The following PTPRE variants were observed in gnomAD, a reference collection of about 807,000 sequenced individuals.
PTPRE encodes the protein protein tyrosine phosphatase receptor type E, also known as receptor-type tyrosine-protein phosphatase epsilon.
A neutral mutation model predicts 102.0 loss-of-function variants in PTPRE; 51 were observed. The observed-to-expected ratio is 0.50, with a 90% CI of 0.40 to 0.63. PTPRE has a LOEUF of 0.63. Ranked by LOEUF, PTPRE falls within the 30% of genes least tolerant of loss-of-function variation. The pLI is 0.00. For synonymous variants in PTPRE, 345 were observed against 348.2 expected (o/e 0.99, Z 0.10); for missense variants, 752 against 915.1 (o/e 0.82, Z 2.30).
At chr10:128,013,657 G>C (rs768235024) in intron 2 of PTPRE, among the ~76,000 whole-genome samples, 2 of 152,122 alleles carry the variant, frequency 1.3e-5, no homozygotes, top group Non-Finnish European at 2.9e-5. Flanking sequence ...CCTCTTGAAT[G>C]GGATTAGTGC....
intron 2 of PTPRE, among the ~76,000 whole-genome samples, chr10:128,025,944 G>A (rs1846258601): frequency 6.6e-6 from 1 of 152,178 alleles, no homozygotes; most frequent in Non-Finnish European, 1.5e-5. Context: ...TTTGTCCATG[G>A]CTGCCTTTCT....
At chr10:127,937,677 G>A (rs543179790) in intron 1 of PTPRE, among the ~76,000 whole-genome samples, 23 of 150,602 alleles carry the variant, frequency 1.5e-4, no homozygotes, top group Non-Finnish European at 3.1e-4. Flanking sequence ...TGGCCAACAT[G>A]GTGAAACCCC....
At chr10:127,916,155 G>A (rs537546257) in intron 1 of PTPRE, among the ~76,000 whole-genome samples, 1 of 152,160 alleles carries the variant, frequency 6.6e-6, no homozygotes, top group East Asian at 1.9e-4. Context: ...GCAGTGACGT[G>A]GTCTGGCTCT....
At chr10:127,947,107 G>A (rs1271094513) in intron 1 of PTPRE, among the ~76,000 whole-genome samples, 1 of 151,630 alleles carries the variant, frequency 6.6e-6, no homozygotes, top group Non-Finnish European at 1.5e-5. Flanking sequence ...AAGGGTTTAC[G>A]CCATGGGACA....
chr10:127,980,780 ACT>A (rs1851548773), intron 1 of PTPRE, among the ~76,000 whole-genome samples: 1 of 152,196 alleles, frequency 6.6e-6, no homozygotes. Context: ...ATTTATAACA[ACT>A]TTTAATTGTG....
chr10:127,983,312 C>A (rs1454080531), intron 2 of PTPRE, among the ~76,000 whole-genome samples: 1 of 152,166 alleles, frequency 6.6e-6, no homozygotes, highest in Non-Finnish European at 1.5e-5. Context: ...AAGAGGGATG[C>A]CTTCGTTTGC....
chr10:127,990,361 G>A (rs1257526173), intron 2 of PTPRE, among the ~76,000 whole-genome samples: 7 of 141,472 alleles, frequency 4.9e-5, no homozygotes, highest in Non-Finnish European at 7.5e-5. Flanking sequence ...GCAGTGAGCC[G>A]AGACTGCACC....
rs1848523590 is a variant in PTPRE at position 127,944,944 on chromosome 10, G to T, written c.-30-37330G>T. Among the ~76,000 whole-genome samples the T allele has an allele frequency of 6.6e-6, 1 of 152,186 alleles. No homozygotes were observed. Among genetic ancestry groups the T allele is most frequent in the Non-Finnish European group, 1.5e-5 (1 of 68,028 alleles). ...AGGGCGGCATCTAGAGTGACCCCCAGTGGGCTGGACAGCTGGGGGGATGGT... is the reference window on the plus strand; with the variant it reads ...AGGGCGGCATCTAGAGTGACCCCCATTGGGCTGGACAGCTGGGGGGATGGT... On this transcript the variant is annotated intron_variant, in intron 1 of 20. Coordinates refer to ENST00000254667, the MANE Select transcript of PTPRE (RefSeq NM_006504.6). The surrounding 1 kb of genome is among the most constrained non-coding windows in gnomAD (Gnocchi z 4.2).
intron 2 of PTPRE, among the ~76,000 whole-genome samples, chr10:127,992,086 C>G (rs1852723604): frequency 6.6e-6 from 1 of 152,198 alleles, no homozygotes; most frequent in Non-Finnish European, 1.5e-5. Context: ...CAGTAGAACC[C>G]AAGAACCTAG....
chr10:127,976,531 C>A (rs1197164366), intron 1 of PTPRE, among the ~76,000 whole-genome samples: 1 of 152,150 alleles, frequency 6.6e-6, no homozygotes, highest in Non-Finnish European at 1.5e-5. Context: ...TGAATAATTT[C>A]TAAAAGTTGC....
chr10:127,965,198 A>G (rs1850152886), intron 1 of PTPRE, among the ~76,000 whole-genome samples: 1 of 152,234 alleles, frequency 6.6e-6, no homozygotes, highest in African/African-American at 2.4e-5. Context: ...ATGGCAGGAA[A>G]TAGATGCTGA....
At chr10:127,987,313 A>C in intron 2 of PTPRE, 1 of 1,260,246 alleles carries the variant, frequency 7.9e-7, no homozygotes, top group South Asian at 1.3e-5. Flanking sequence ...GAATTCTTCT[A>C]GAAATCCTTT....
rs976976010 is a variant in PTPRE, at chr10:128,084,428, A to G, written c.*1522A>G. On this transcript the variant is annotated 3_prime_UTR_variant, in exon 21 of 21. Coordinates refer to ENST00000254667, the MANE Select transcript of PTPRE (RefSeq NM_006504.6). ...TAACAGTGTGTGCAAATGCAACCCC[A>G]GGACACATTATTGTTCTGATAGATG... is the stretch of plus-strand genomic sequence containing the variant. 6.6e-6 allele frequency: 1 copy of G among 152,254 alleles called. No individual in the cohort carries two copies. The highest frequency in any genetic ancestry group is 1.5e-5 in the Non-Finnish European group (1 of 68,064). The allele number at this position is 152,254 out of a possible 1,614,324, so 9.4% of individuals were successfully genotyped here.
intron 1 of PTPRE, among the ~76,000 whole-genome samples, chr10:127,932,230 A>G (rs915931875): frequency 7.2e-5 from 11 of 152,254 alleles, no homozygotes; most frequent in African/African-American, 2.7e-4. Context: ...CGCAAAGTCT[A>G]TATTGAAAAT....
At chr10:128,016,024 G>A (rs1040698289) in intron 2 of PTPRE, among the ~76,000 whole-genome samples, 2 of 152,170 alleles carry the variant, frequency 1.3e-5, no homozygotes, top group African/African-American at 4.8e-5. Context: ...TTCTCTGGAG[G>A]TGGAGATCAG....
In PTPRE at chr10:127,962,837, G is replaced by A. The variant is rs567360014; in HGVS notation, c.-30-19437G>A. On this transcript the variant is annotated intron_variant, in intron 1 of 20. Coordinates refer to ENST00000254667, the MANE Select transcript of PTPRE (RefSeq NM_006504.6). ...AGTCCCCAGCCCCCGCAATGTCCAC[G>A]GTGCTGAGGTGGAGAAATCCTGGGC... Among the ~76,000 whole-genome samples the A allele has an allele frequency of 3.9e-5, 6 of 152,320 alleles. No homozygotes were observed. In the East Asian group the frequency reaches 9.7e-4, roughly 25 times the overall value.
Position 128,062,807 on chromosome 10 carries a change from C to G in PTPRE, c.626-276C>G, listed in dbSNP as rs551227407. On this transcript the variant is annotated intron_variant, in intron 9 of 20. Coordinates refer to ENST00000254667, the MANE Select transcript of PTPRE (RefSeq NM_006504.6). ...CCCACACTTGGCTGTAGACCCAGCC[C>G]TCATCTGAACCCTGCTTCTTACCTG... The G allele has an allele frequency of 1.9e-4, 88 of 462,354 alleles. 1 individual carries two copies. The Admixed American group carries it at 3.1e-3, about 16-fold the overall frequency. The allele number at this position is 462,354 out of a possible 1,614,324, so 28.6% of individuals were successfully genotyped here. A position where few individuals can be genotyped will look rare whatever the true frequency, so the allele number is the denominator to read the frequency against.
At chr10:127,931,607 TC>T (rs1211802127) in intron 1 of PTPRE, among the ~76,000 whole-genome samples, 6 of 152,212 alleles carry the variant, frequency 3.9e-5, no homozygotes, top group African/African-American at 1.4e-4. Context: ...AAGCCATTTC[TC>T]TATTCTGATT....
chr10:128,002,144 G>A (rs574968799), intron 2 of PTPRE, among the ~76,000 whole-genome samples: 2 of 152,268 alleles, frequency 1.3e-5, no homozygotes, highest in East Asian at 1.9e-4. Flanking sequence ...CTCAGCCGTC[G>A]CCCCCGCTGA....
Sources: allele counts gnomAD v4.1 joint callset (sites outside exome capture counted in the v4.1 genomes callset), GRCh38; gene constraint gnomAD v4.1.1; non-coding constraint Gnocchi (gnomAD v3.1); transcripts MANE v1.5; gene names NCBI Gene and HGNC (gene_info 2026-07-23, HGNC 2026-07-21).